The following PIAS1 variants were observed in gnomAD, a reference collection of about 807,000 sequenced individuals.
PIAS1 encodes E3 SUMO-protein ligase PIAS1.
Under a neutral mutation model 71.3 loss-of-function variants are expected in PIAS1, and 6 were observed. That is an observed-to-expected ratio of 0.08 (90% CI 0.05 to 0.17). The LOEUF (loss-of-function observed/expected upper bound fraction) is 0.17. Among genes scored for constraint, PIAS1 ranks in the 10% least tolerant of loss-of-function variants. PIAS1 has a pLI of 1.00. For synonymous variants in PIAS1, 303 were observed against 292.9 expected (o/e 1.03, Z -0.35); for missense variants, 555 against 793.6 (o/e 0.70, Z 3.61).
At chr15:68,141,893 T>TTTTTTTTTTTTTTTA in intron 2 of PIAS1, 53 bp from the exon 3 acceptor site, 1 of 1,164,274 alleles carries the variant, frequency 8.6e-7, no homozygotes, top group Non-Finnish European at 1.3e-6. Flanking sequence ...TTTGCTTTTG[T>TTTTTTTTTTTTTTTA]CTTTACTGGC....
At chr15:68,166,568 G>A (rs1203959143) in intron 8 of PIAS1, among the ~76,000 whole-genome samples, 2 of 151,984 alleles carry the variant, frequency 1.3e-5, no homozygotes, top group East Asian at 1.9e-4. Context: ...GTTTAGAAAA[G>A]TACATACACT....
At chr15:68,129,791 A>G (rs1302750433) in intron 2 of PIAS1, among the ~76,000 whole-genome samples, 6 of 102,134 alleles carry the variant, frequency 5.9e-5, no homozygotes, top group Non-Finnish European at 1.2e-4. Flanking sequence ...AAATAATTGT[A>G]TTTACACACA....
chr15:68,128,217 G>A (rs1023044288), intron 2 of PIAS1, among the ~76,000 whole-genome samples: 6 of 152,100 alleles, frequency 3.9e-5, no homozygotes, highest in Admixed American at 3.3e-4. Context: ...CCATACTAGA[G>A]TGCAGTGGCC....
intron 1 of PIAS1, among the ~76,000 whole-genome samples, chr15:68,073,139 C>T (rs2092119003): frequency 6.6e-6 from 1 of 152,202 alleles, no homozygotes; most frequent in Non-Finnish European, 1.5e-5. Flanking sequence ...CCTCAGCCTC[C>T]TGAGTAGCTG....
intron 6 of PIAS1, among the ~76,000 whole-genome samples, chr15:68,153,187 T>A (rs966380867): frequency 2.0e-5 from 3 of 152,208 alleles, no homozygotes; most frequent in Non-Finnish European, 4.4e-5. Flanking sequence ...AAATATGGTT[T>A]ATAGCTTTGA....
chr15:68,141,376 CTT>C (rs1309087713), intron 2 of PIAS1, among the ~76,000 whole-genome samples: 1 of 152,072 alleles, frequency 6.6e-6, no homozygotes, highest in Non-Finnish European at 1.5e-5. Flanking sequence ...TTTTACAACT[CTT>C]TTCCTTCTTT....
chr15:68,099,292 A>T (rs2092403934), intron 2 of PIAS1, among the ~76,000 whole-genome samples: 1 of 144,052 alleles, frequency 6.9e-6, no homozygotes, highest in Non-Finnish European at 1.5e-5. Context: ...AAGTTCCTTG[A>T]GCTTTTTATT....
In PIAS1 at chr15:68,171,339, C is replaced by T. The variant is rs1464807675; in HGVS notation, c.1009-2393C>T. ...CTGCCTGAGGCTGTTTTACAGTTAA[C>T]TTTTAAAATATATATAAGTAAAGGG... On this transcript the variant is annotated intron_variant, in intron 8 of 13. Transcript: ENST00000249636. This position sits in a 1 kb window ranked among gnomAD's most constrained non-coding sequence, Gnocchi z 4.4. Among the ~76,000 whole-genome samples the T allele has an allele frequency of 6.6e-6, 1 of 152,076 alleles. No individual in the cohort carries two copies. The highest frequency in any genetic ancestry group is 2.4e-5 in the African/African-American group (1 of 41,392).
At chr15:68,127,280 TTC>T (rs1192801235) in intron 2 of PIAS1, among the ~76,000 whole-genome samples, 1 of 152,118 alleles carries the variant, frequency 6.6e-6, no homozygotes. Flanking sequence ...AGTTTTGAAT[TTC>T]TTTTTTTTTG....
chr15:68,184,025 G>C (rs1437010452), intron 13 of PIAS1: 3 of 158,308 alleles, frequency 1.9e-5, no homozygotes, highest in Non-Finnish European at 4.0e-5. Context: ...TAAGTTTGCT[G>C]TAAAACAGTG....
chr15:68,114,956 AC>A (rs936909737), intron 2 of PIAS1, among the ~76,000 whole-genome samples: 9 of 152,072 alleles, frequency 5.9e-5, no homozygotes, highest in African/African-American at 2.2e-4. Context: ...ATTAATACTT[AC>A]GGGGAGATGG....
intron 11 of PIAS1, among the ~76,000 whole-genome samples, chr15:68,177,288 A>G (rs1024055688): frequency 1.3e-5 from 2 of 151,338 alleles, no homozygotes; most frequent in African/African-American, 4.8e-5. Flanking sequence ...CAAAAAAAAA[A>G]AAAAAAAAAG....
At chr15:68,132,947 T>C (rs764800542) in intron 2 of PIAS1, among the ~76,000 whole-genome samples, 2 of 151,978 alleles carry the variant, frequency 1.3e-5, no homozygotes, top group Non-Finnish European at 2.9e-5. Flanking sequence ...CATTTTTAAT[T>C]AATTTCAGTT....
At chr15:68,068,648 T>C (rs1311832480) in intron 1 of PIAS1, among the ~76,000 whole-genome samples, 2 of 151,988 alleles carry the variant, frequency 1.3e-5, no homozygotes, top group African/African-American at 4.8e-5. Flanking sequence ...AGAAGGGATT[T>C]TGCCCTGTTG....
At chr15:68,066,121 T>A (rs1277589200) in intron 1 of PIAS1, among the ~76,000 whole-genome samples, 1 of 151,750 alleles carries the variant, frequency 6.6e-6, no homozygotes, top group Non-Finnish European at 1.5e-5. Flanking sequence ...TTATGTTTTT[T>A]CTTTTTTCTT....
chr15:68,071,352 A>G (rs1485213332), intron 1 of PIAS1, among the ~76,000 whole-genome samples: 4 of 142,438 alleles, frequency 2.8e-5, no homozygotes, highest in Non-Finnish European at 6.0e-5. Flanking sequence ...AGTAGCTGGG[A>G]TTACAGGTGC....
At chr15:68,150,505 T>G (rs889316925) in intron 6 of PIAS1, among the ~76,000 whole-genome samples, 1 of 152,234 alleles carries the variant, frequency 6.6e-6, no homozygotes, top group Non-Finnish European at 1.5e-5. Flanking sequence ...GTAGAATATC[T>G]TACTATTTTG....
Position 68,141,992 on chromosome 15 carries a change from C to G in PIAS1, c.516C>G (p.Ala172=), listed in dbSNP as rs2092773899. The change falls in exon 3 of 14, where the codon GCC becomes GCG. Residue 172 remains alanine, a synonymous_variant. Coordinates refer to ENST00000249636, the MANE Select transcript of PIAS1 (RefSeq NM_016166.3). ...QRFRETCFAF[A]LTPQQVQQIS... ...TTCGAGAAACCTGTTTTGCATTTGCCTTGACACCACAACAAGTGCAGCAAA... is the reference window on the plus strand; with the variant it reads ...TTCGAGAAACCTGTTTTGCATTTGCGTTGACACCACAACAAGTGCAGCAAA... 1 of 1,605,028 alleles carries G rather than the reference C, an allele frequency of 6.2e-7. No individual in the cohort carries two copies. Among genetic ancestry groups the G allele is most frequent in the East Asian group, 2.2e-5 (1 of 44,642 alleles).
At position 68,146,538 on chromosome 15, in the gene PIAS1, G is replaced by A. The variant is rs749609919; in HGVS notation, c.694-28G>A. The A allele has an allele frequency of 3.8e-6, 6 of 1,574,676 alleles. No homozygotes were observed. The Admixed American group carries it at 1.0e-4, about 27-fold the overall frequency. On this transcript the variant is annotated intron_variant, in intron 5 of 13. Transcript: ENST00000249636. ...GTCAAAATGATTGTGGAAATAATAAGTATAAATAAATTACATTTCATTTTT... is the reference window on the plus strand; with the variant it reads ...GTCAAAATGATTGTGGAAATAATAAATATAAATAAATTACATTTCATTTTT...
Sources: allele counts gnomAD v4.1 joint callset (sites outside exome capture counted in the v4.1 genomes callset), GRCh38; gene constraint gnomAD v4.1.1; non-coding constraint Gnocchi (gnomAD v3.1); transcripts MANE v1.5; gene names NCBI Gene and HGNC (gene_info 2026-07-23, HGNC 2026-07-21).